BRINP2: variants seen among roughly 807,000 people sequenced by gnomAD.
The protein encoded by BRINP2 is BMP/retinoic acid inducible neural specific 2.
A neutral mutation model predicts 69.2 loss-of-function variants in BRINP2; 21 were observed. That is an observed-to-expected ratio of 0.30 (90% confidence interval 0.22 to 0.44). The LOEUF (loss-of-function observed/expected upper bound fraction) is 0.44. BRINP2 is among the 20% of genes least tolerant of loss of function. The pLI is 1.00. For synonymous variants in BRINP2, 380 were observed against 394.1 expected, an observed-to-expected ratio of 0.96 and a Z score of 0.42; for missense variants, 877 against 986.0, an observed-to-expected ratio of 0.89 and a Z score of 1.48.
In BRINP2 at chr1:177,192,423, A is replaced by T. The variant is rs140928909; in HGVS notation, c.-77+20691A>T. Among the ~76,000 whole-genome samples the T allele has an allele frequency of 1.8e-3, 274 of 152,334 alleles. 1 individual carries two copies. The highest frequency in any genetic ancestry group is 3.4e-3 in the Admixed American group (52 of 15,302). On this transcript the variant is annotated intron_variant, in intron 1 of 7. Transcript: ENST00000361539. ...ATCAAAGGATTAGTCTAAGAAGGAA[A>T]TTATTTACAGAAATATAGGTGTGAG...
intron 2 of BRINP2, among the ~76,000 whole-genome samples, chr1:177,242,070 A>G (rs1204473773): frequency 6.6e-6 from 1 of 152,186 alleles, no homozygotes; most frequent in East Asian, 1.9e-4. Context: ...TGCCACCTGT[A>G]TGAACAGCCG....
chr1:177,271,396 A>AAG (rs1182154655), intron 4 of BRINP2, among the ~76,000 whole-genome samples: 4 of 152,178 alleles, frequency 2.6e-5, no homozygotes, highest in African/African-American at 7.2e-5. Context: ...CTTGTGTTTG[A>AAG]CAGTGATGGC....
intron 7 of BRINP2, among the ~76,000 whole-genome samples, chr1:177,279,902 C>T (rs1003042425): frequency 7.2e-5 from 11 of 151,976 alleles, no homozygotes; most frequent in African/African-American, 2.4e-4. Context: ...GGAAAGACTT[C>T]TTTGAAGAGG....
chr1:177,179,576 C>T (rs1236069558), intron 1 of BRINP2, among the ~76,000 whole-genome samples: 1 of 151,966 alleles, frequency 6.6e-6, no homozygotes, highest in African/African-American at 2.4e-5. Context: ...GGCACACACA[C>T]ACTCTTTCTC....
At chr1:177,215,874 T>C (rs1649361383) in intron 1 of BRINP2, among the ~76,000 whole-genome samples, 1 of 152,146 alleles carries the variant, frequency 6.6e-6, no homozygotes. Flanking sequence ...GAATTGATTA[T>C]ATAATGTCCT....
chr1:177,215,407 T>C (rs1280494652), intron 1 of BRINP2, among the ~76,000 whole-genome samples: 2 of 152,240 alleles, frequency 1.3e-5, no homozygotes, highest in Non-Finnish European at 2.9e-5. Flanking sequence ...CTTATTTATC[T>C]GAGTTCACTT....
intron 1 of BRINP2, among the ~76,000 whole-genome samples, chr1:177,189,603 G>T (rs1521441): frequency 1.3e-5 from 2 of 152,018 alleles, no homozygotes; most frequent in African/African-American, 4.8e-5. Context: ...CTGTCTGGAG[G>T]TAAGACATGT....
At chr1:177,199,562 C>T (rs879877319) in intron 1 of BRINP2, among the ~76,000 whole-genome samples, 8 of 152,114 alleles carry the variant, frequency 5.3e-5, no homozygotes, top group African/African-American at 1.7e-4. Flanking sequence ...AAGAGGAGTC[C>T]GTCAGGCTAC....
intron 1 of BRINP2, among the ~76,000 whole-genome samples, chr1:177,189,267 A>G (rs1288838879): frequency 6.6e-6 from 1 of 152,160 alleles, no homozygotes; most frequent in Non-Finnish European, 1.5e-5. Context: ...GGATTTTCTT[A>G]TGATGCAGTC....
intron 1 of BRINP2, among the ~76,000 whole-genome samples, chr1:177,222,696 T>TAA (rs999499043): frequency 5.8e-5 from 8 of 138,670 alleles, no homozygotes; most frequent in East Asian, 2.0e-4. Flanking sequence ...ATTGTTATCT[T>TAA]AAAAAAAAAA....
intron 1 of BRINP2, among the ~76,000 whole-genome samples, chr1:177,201,572 A>G (rs917351400): frequency 1.3e-5 from 2 of 152,154 alleles, no homozygotes; most frequent in African/African-American, 2.4e-5. Flanking sequence ...AATTTGTTGG[A>G]TATTTAGCTG....
chr1:177,189,048 G>A (rs1230132757), intron 1 of BRINP2, among the ~76,000 whole-genome samples: 1 of 152,142 alleles, frequency 6.6e-6, no homozygotes, highest in Non-Finnish European at 1.5e-5. Context: ...AGAAGGCCAG[G>A]CTACAGGAAG....
At chr1:177,195,911 A>T (rs1476127413) in intron 1 of BRINP2, among the ~76,000 whole-genome samples, 1 of 152,146 alleles carries the variant, frequency 6.6e-6, no homozygotes, top group Non-Finnish European at 1.5e-5. Context: ...CTTCTTTTAA[A>T]AGGGTTTGGT....
intron 1 of BRINP2, among the ~76,000 whole-genome samples, chr1:177,190,911 G>A (rs1202063502): frequency 6.6e-6 from 1 of 152,088 alleles, no homozygotes; most frequent in Non-Finnish European, 1.5e-5. Flanking sequence ...ATACAATTTA[G>A]GGTTTATCAC....
chr1:177,183,363 C>G (rs1648324692), intron 1 of BRINP2, among the ~76,000 whole-genome samples: 1 of 151,990 alleles, frequency 6.6e-6, no homozygotes, highest in African/African-American at 2.4e-5. Flanking sequence ...AATTTTAAAA[C>G]AGTTGACACA....
intron 1 of BRINP2, among the ~76,000 whole-genome samples, chr1:177,199,926 A>G (rs767709086): frequency 6.6e-6 from 1 of 152,160 alleles, no homozygotes; most frequent in Admixed American, 6.5e-5. Context: ...CTAAGCCACC[A>G]TCATCATTTA....
At chr1:177,178,286 C>A (rs906271104) in intron 1 of BRINP2, among the ~76,000 whole-genome samples, 2 of 152,190 alleles carry the variant, frequency 1.3e-5, no homozygotes, top group Non-Finnish European at 2.9e-5. Context: ...TTTCCTCTTA[C>A]TGTAATTCTC....
chr1:177,204,777 T>C (rs550080154), intron 1 of BRINP2, among the ~76,000 whole-genome samples: 11 of 152,182 alleles, frequency 7.2e-5, no homozygotes, highest in Admixed American at 2.0e-4. Context: ...CCCATAAACC[T>C]ACCAACCAGT....
At chr1:177,210,566 C>T (rs1649193713) in intron 1 of BRINP2, among the ~76,000 whole-genome samples, 1 of 152,012 alleles carries the variant, frequency 6.6e-6, no homozygotes, top group Non-Finnish European at 1.5e-5. Context: ...ATTATGATAG[C>T]CACCAGCCAC....
Sources: allele counts gnomAD v4.1 joint callset (sites outside exome capture counted in the v4.1 genomes callset), GRCh38; gene constraint gnomAD v4.1.1; transcripts MANE v1.5; gene names NCBI Gene and HGNC (gene_info 2026-07-23, HGNC 2026-07-21).